AHNAK: variants seen among roughly 807,000 people sequenced by gnomAD.
AHNAK encodes the protein neuroblast differentiation-associated protein AHNAK.
A neutral mutation model predicts 37.8 loss-of-function variants in AHNAK; 23 were observed. The ratio of observed to expected loss-of-function variants is 0.61; its 90% CI spans 0.44 to 0.86. The LOEUF is 0.86. Among genes scored for constraint, AHNAK ranks in the 40% least tolerant of loss-of-function variants. The pLI is 0.00. For synonymous variants in AHNAK, 2,481 were observed against 2,636.3 expected (o/e 0.94, Z 1.80); for missense variants, 7,411 against 7,319.4 (o/e 1.01, Z -0.46).
intron 4 of AHNAK, among the ~76,000 whole-genome samples, chr11:62,504,192 AAGAAAGAAAGAAAGAGAG>A (rs1939765312): frequency 6.6e-6 from 1 of 151,922 alleles, no homozygotes; most frequent in Admixed American, 6.6e-5. Flanking sequence ...GAGAAAGAAA[AAGAAAGAAAGAAAGAGAG>A]AGAGAGAAAG....
intron 4 of AHNAK, 117 bp downstream of exon 4, chr11:62,534,883 AGAG>A: frequency 4.8e-6 from 5 of 1,042,984 alleles, no homozygotes; most frequent in East Asian, 2.5e-5. Context: ...AAGACAGGTG[AGAG>A]GAGAAGAAGG....
chr11:62,531,360 A>G lies in AHNAK; in HGVS notation c.3057T>C (p.Asp1019=), dbSNP rs114307125. Reference sequence around the variant, plus strand: ...CCACATTCGCTTTGGACAGGTTCACATCAAATTCTGGCCCCTCTCCTTTGA... The same window carrying G: ...CCACATTCGCTTTGGACAGGTTCACGTCAAATTCTGGCCCCTCTCCTTTGA... ...PSLKGEGPEF[D]VNLSKANVDI... is the part of the protein sequence containing the mutation. Residue 1019 remains aspartate, a synonymous_variant, in exon 5 of 5, where the codon GAT becomes GAC. Coordinates refer to ENST00000378024, the MANE Select transcript of AHNAK (RefSeq NM_001620.3). The G allele has an allele frequency of 4.9e-4, 789 of 1,613,854 alleles. 9 individuals are homozygous for G. The African/African-American group carries it at 9.5e-3, about 20-fold the overall frequency.
intron 5 of AHNAK, among the ~76,000 whole-genome samples, chr11:62,477,687 A>C (rs894379035): frequency 6.6e-6 from 1 of 152,140 alleles, no homozygotes; most frequent in African/African-American, 2.4e-5. Flanking sequence ...CTGTAGTCCC[A>C]GCTACTAGGG....
In AHNAK at chr11:62,454,941, T is replaced by A. The variant is rs1177400290; in HGVS notation, c.443-21050A>T. Among the ~76,000 whole-genome samples the A allele has an allele frequency of 2.6e-3, 389 of 151,380 alleles. 1 individual carries two copies. The highest frequency in any genetic ancestry group is 8.9e-3 in the African/African-American group (369 of 41,416). On this transcript the variant is annotated intron_variant, in intron 5 of 5. Coordinates refer to the AHNAK transcript ENST00000257247. ...CTTTTTATTTATTTATTTTTTTTTTTTTTTTGAGATGGAGTTTTGCTCTTT... is the reference window on the plus strand; with the variant it reads ...CTTTTTATTTATTTATTTTTTTTTTATTTTTGAGATGGAGTTTTGCTCTTT...
intron 5 of AHNAK, among the ~76,000 whole-genome samples, chr11:62,456,083 G>A (rs1212254497): frequency 6.6e-6 from 1 of 152,014 alleles, no homozygotes. Flanking sequence ...GAGACACCAG[G>A]GGTACACAAG....
chr11:62,508,263 A>T (rs1465627734), intron 4 of AHNAK, among the ~76,000 whole-genome samples: 1 of 152,190 alleles, frequency 6.6e-6, no homozygotes, highest in African/African-American at 2.4e-5. Flanking sequence ...GGGAAGAAAA[A>T]AAAAATTCTT....
chr11:62,536,855 G>T, intron 1 of AHNAK, among the ~76,000 whole-genome samples: 1 of 152,302 alleles, frequency 6.6e-6, no homozygotes, highest in Middle Eastern at 3.4e-3. Context: ...CTGTGAAAAT[G>T]GAGGCAATAA....
At chr11:62,443,350 G>A (rs11231093) in intron 5 of AHNAK, among the ~76,000 whole-genome samples, 42,178 of 144,304 alleles carry the variant, frequency 0.29, 7,846 homozygotes, top group East Asian at 0.65. Flanking sequence ...TCAGCTCACC[G>A]CAACCTCCGC....
intron 5 of AHNAK, among the ~76,000 whole-genome samples, chr11:62,476,706 C>G (rs1939154228): frequency 6.6e-6 from 1 of 152,110 alleles, no homozygotes; most frequent in South Asian, 2.1e-4. Flanking sequence ...ATTTCTCGAT[C>G]AGATTGTGAC....
intron 5 of AHNAK, among the ~76,000 whole-genome samples, chr11:62,478,130 C>A (rs558943792): frequency 4.6e-5 from 7 of 152,212 alleles, no homozygotes; most frequent in African/African-American, 1.7e-4. Context: ...TCTCCTCCCC[C>A]ACTATTCCAG....
In AHNAK at chr11:62,530,663, G is replaced by A. The variant is rs1214736863; in HGVS notation, c.3754C>T (p.Leu1252=). Reference sequence around the variant, plus strand: ...GGCATTTTCATCTTGGGCATCTTCAGGTGCCAGTCTGGGCCTTGAACCTCC... The same window carrying A: ...GGCATTTTCATCTTGGGCATCTTCAAGTGCCAGTCTGGGCCTTGAACCTCC... The part of the protein sequence containing the change: ...DVEVQGPDWH[L]KMPKMKMPKF... Residue 1252 remains leucine, a synonymous_variant, in exon 5 of 5, where the codon CTG becomes TTG. Transcript: ENST00000378024. The A allele has an allele frequency of 6.2e-7, 1 of 1,613,556 alleles. No individual in the cohort carries two copies. Among genetic ancestry groups the A allele is most frequent in the Non-Finnish European group, 8.5e-7 (1 of 1,179,944 alleles).
In AHNAK at chr11:62,533,903, C is replaced by A. The variant is rs1940860335; in HGVS notation, c.514G>T (p.Asp172Tyr). The A allele has an allele frequency of 6.2e-7, 1 of 1,613,998 alleles. No individual in the cohort carries two copies. Among genetic ancestry groups the A allele is most frequent in the South Asian group, 1.1e-5 (1 of 91,080 alleles). ...AATTCAGGGCTACTGATGTCTATGT[C>A]CTTGGCTCCTTCCCGGCCAGTCACA... ...VDVTGREGAK[D>Y]IDISSPEFKI... Residue 172 changes from aspartate (D) to tyrosine (Y), a missense_variant, in exon 5 of 5, where the codon GAC becomes TAC. Physicochemically the swap from Asp to Tyr is radical, Grantham distance 160. Transcript: ENST00000378024.
At chr11:62,438,340 G>A (rs1344962547) in intron 5 of AHNAK, among the ~76,000 whole-genome samples, 2 of 151,800 alleles carry the variant, frequency 1.3e-5, no homozygotes, top group Admixed American at 6.6e-5. Context: ...CTGCCACCAC[G>A]TCCAGCTAAT....
chr11:62,442,266 C>T (rs1938321775), intron 5 of AHNAK, among the ~76,000 whole-genome samples: 1 of 152,132 alleles, frequency 6.6e-6, no homozygotes, highest in Admixed American at 6.5e-5. Flanking sequence ...CTCTTTAGGG[C>T]CGGGCACAGC....
At chr11:62,538,899 C>T (rs1941036928) in intron 1 of AHNAK, among the ~76,000 whole-genome samples, 1 of 152,158 alleles carries the variant, frequency 6.6e-6, no homozygotes, top group Admixed American at 6.5e-5. Context: ...CTTGGGAATT[C>T]GTGGGCACTT....
intron 4 of AHNAK, among the ~76,000 whole-genome samples, chr11:62,503,748 A>G (rs1939755718): frequency 6.6e-6 from 1 of 152,168 alleles, no homozygotes; most frequent in East Asian, 1.9e-4. Flanking sequence ...GTGATTTTCC[A>G]TTTTTAGACA....
At position 62,520,153 on chromosome 11, in the gene AHNAK, G is replaced by A. The variant is rs865939135; in HGVS notation, c.14264C>T (p.Ala4755Val). 3 of 1,612,340 alleles carry A rather than the reference G, an allele frequency of 1.9e-6. No individual in the cohort carries two copies. The highest frequency in any genetic ancestry group is 2.5e-6 in the Non-Finnish European group (3 of 1,179,644). ...GTCCACTTTTGGGCCCTTGATGTCAGCTTCTGGGCCCTTGAGGTCACCTTC... is the reference window on the plus strand; with the variant it reads ...GTCCACTTTTGGGCCCTTGATGTCAACTTCTGGGCCCTTGAGGTCACCTTC... ...KVEGDLKGPE[A>V]DIKGPKVDIN... Residue 4755 changes from alanine to valine, a missense_variant, in exon 5 of 5, where the codon GCT becomes GTT. By Grantham distance (64) the Ala-to-Val change is moderately conservative. Transcript: ENST00000378024.
chr11:62,518,038 T>G lies in AHNAK; in HGVS notation c.16379A>C (p.Lys5460Thr). The change falls in exon 5 of 5, where the codon AAA becomes ACA. Residue 5460 changes from lysine to threonine, a missense_variant. Physicochemically the swap from Lys to Thr is moderately conservative, Grantham distance 78. Transcript: ENST00000378024. ...PNVDFNLEGP[K>T]VKGSLGATGE... ...AGTGGCCCCAAGGCTCCCTTTCACT[T>G]TTGGTCCTTCCAAGTTAAAGTCCAC... The G allele has an allele frequency of 1.2e-6, 2 of 1,614,174 alleles. No individual in the cohort carries two copies. Among genetic ancestry groups the G allele is most frequent in the Non-Finnish European group, 1.7e-6 (2 of 1,180,038 alleles).
intron 1 of AHNAK, among the ~76,000 whole-genome samples, chr11:62,542,592 A>C (rs928204782): frequency 6.6e-6 from 1 of 152,146 alleles, no homozygotes; most frequent in Non-Finnish European, 1.5e-5. Flanking sequence ...ATCCCATGCT[A>C]CAGTGAGCTT....
Sources: allele counts gnomAD v4.1 joint callset (sites outside exome capture counted in the v4.1 genomes callset), GRCh38; gene constraint gnomAD v4.1.1; transcripts MANE v1.5; gene names NCBI Gene and HGNC (gene_info 2026-07-23, HGNC 2026-07-21).